Variants in GOLIM4 observed in about 807,000 individuals in gnomAD.
The protein encoded by GOLIM4 is 130 kDa golgi-localized phosphoprotein.
A neutral mutation model predicts 107.4 loss-of-function variants in GOLIM4; 71 were observed. The observed-to-expected ratio is 0.66, with a 90% CI of 0.55 to 0.81. The LOEUF (loss-of-function observed/expected upper bound fraction) is 0.81. Ranked by LOEUF, GOLIM4 falls within the 30% of genes least tolerant of loss-of-function variation. The probability of loss-of-function intolerance (pLI) is 0.00; values close to 1 mark genes in which losing one functional copy is unlikely to be tolerated. For missense variants in GOLIM4, 830 were observed against 826.1 expected (o/e 1.00, Z -0.06); for synonymous variants, 327 against 294.8 (o/e 1.11, Z -1.12).
At chr3:168,027,565 A>T (rs752653951) in intron 12 of GOLIM4, among the ~76,000 whole-genome samples, 163 bp downstream of exon 12, 2 of 151,858 alleles carry the variant, frequency 1.3e-5, no homozygotes, top group Non-Finnish European at 2.9e-5. Context: ...CATGGTTTAC[A>T]GTTAAAAACA....
intron 8 of GOLIM4, 36 bp from the exon 9 acceptor site, chr3:168,032,888 C>A: frequency 6.8e-7 from 1 of 1,463,772 alleles, no homozygotes; most frequent in Non-Finnish European, 9.4e-7. Flanking sequence ...GACACTCTTC[C>A]AATTTCAAAA....
At chr3:168,049,624 T>C (rs1369909135) in intron 1 of GOLIM4, among the ~76,000 whole-genome samples, 4 of 152,184 alleles carry the variant, frequency 2.6e-5, no homozygotes, top group South Asian at 2.1e-4. Flanking sequence ...CATCAATCAC[T>C]GGTTGACCAT....
In GOLIM4 at chr3:168,073,574, C is replaced by A. The variant is rs563900442; in HGVS notation, c.187+21525G>T. Among the ~76,000 whole-genome samples, 33 of 152,144 alleles carry A rather than the reference C, an allele frequency of 2.2e-4. 1 individual carries two copies. In the Middle Eastern group the frequency reaches 0.01, roughly 47 times the overall value. On this transcript the variant is annotated intron_variant, in intron 1 of 15. Transcript: ENST00000470487. ...TTTTTGTATTAAAGGTCCTTACAAT[C>A]GCATGGTGGAAGACAGACAAACAAG...
chr3:168,053,639 T>C (rs896153573), intron 1 of GOLIM4, among the ~76,000 whole-genome samples: 6 of 152,042 alleles, frequency 3.9e-5, no homozygotes, highest in Admixed American at 1.3e-4. Flanking sequence ...CTTTTGAGGG[T>C]TTCTTTGGGG....
At chr3:168,012,820 T>C (rs1246348931) in intron 14 of GOLIM4, among the ~76,000 whole-genome samples, 1 of 151,962 alleles carries the variant, frequency 6.6e-6, no homozygotes, top group Non-Finnish European at 1.5e-5. Flanking sequence ...AATAAAATCC[T>C]TTACAGACAA....
At chr3:168,067,375 T>C (rs1720603652) in intron 1 of GOLIM4, among the ~76,000 whole-genome samples, 2 of 151,980 alleles carry the variant, frequency 1.3e-5, no homozygotes, top group Non-Finnish European at 2.9e-5. Context: ...TAGCAGTATA[T>C]GTAGGCAAAC....
At position 168,053,712 on chromosome 3, in the gene GOLIM4, G is replaced by C. The variant is rs1303928323; in HGVS notation, c.188-5347C>G. Among the ~76,000 whole-genome samples, 4 of 152,302 alleles carry C rather than the reference G, an allele frequency of 2.6e-5. No individual in the cohort carries two copies. The South Asian group carries it at 8.3e-4, about 32-fold the overall frequency. On this transcript the variant is annotated intron_variant, in intron 1 of 15. Transcript: ENST00000470487. The stretch of plus-strand genomic sequence containing the variant: ...TTTTGGTTGTAATTCTAAATCACCA[G>C]AGGTGGGGTGGAAGCCAGCCACCTG...
intron 3 of GOLIM4, 113 bp downstream of exon 3, chr3:168,046,836 TA>T: frequency 1.9e-6 from 1 of 526,354 alleles, no homozygotes; most frequent in Non-Finnish European, 3.3e-6. Flanking sequence ...GTCAGTCCTA[TA>T]ATCCCAGGGA....
intron 1 of GOLIM4, among the ~76,000 whole-genome samples, chr3:168,092,156 G>A (rs1367876814): frequency 6.6e-6 from 1 of 152,158 alleles, no homozygotes; most frequent in African/African-American, 2.4e-5. Context: ...TCACTTGAAA[G>A]CAGTTTAAAA....
At chr3:168,075,142 T>A (rs1315526251) in intron 1 of GOLIM4, among the ~76,000 whole-genome samples, 4 of 151,704 alleles carry the variant, frequency 2.6e-5, no homozygotes, top group Admixed American at 2.0e-4. Flanking sequence ...AAAAAAAAAA[T>A]TAATAAAACA....
intron 15 of GOLIM4, 48 bp from the exon 16 acceptor site, chr3:168,010,466 G>A (rs73174972): frequency 0.06 from 74,241 of 1,241,648 alleles, 2,540 homozygotes; most frequent in Non-Finnish European, 0.069. Context: ...TATAGAGTTA[G>A]TGATAAATAA....
In GOLIM4 at chr3:168,029,935, C is replaced by T. The variant is rs1468643503; in HGVS notation, c.1278G>A (p.Gln426=). The part of the protein sequence containing the change: ...LAVQQVEEAQ[Q]LREHQEALHQ... ...GCAAAGCTTCCTGGTGTTCCCGCAG[C>T]TGCTGGGCCTCCTCCACCTGCTGCA... Residue 426 remains glutamine, a synonymous_variant, in exon 10 of 16, where the codon CAG becomes CAA. Coordinates refer to ENST00000470487, the MANE Select transcript of GOLIM4 (RefSeq NM_014498.5). The T allele has an allele frequency of 1.9e-6, 3 of 1,614,102 alleles. No individual in the cohort carries two copies. The highest frequency in any genetic ancestry group is 1.3e-5 in the African/African-American group (1 of 74,936).
intron 5 of GOLIM4, 87 bp downstream of exon 5, chr3:168,043,292 C>A: frequency 1.2e-6 from 1 of 869,174 alleles, no homozygotes; most frequent in Non-Finnish European, 1.8e-6. Flanking sequence ...AATCGATCAC[C>A]ACTCAAAACA....
intron 2 of GOLIM4, 24 bp downstream of exon 2, chr3:168,048,267 A>G (rs753590124): frequency 1.7e-6 from 2 of 1,206,146 alleles, no homozygotes; most frequent in Non-Finnish European, 2.4e-6. Context: ...AAAAACACAG[A>G]ACACAAATTA....
chr3:168,041,413 A>T lies in GOLIM4; in HGVS notation c.579T>A (p.His193Gln). 1 of 1,586,334 alleles carries T rather than the reference A, an allele frequency of 6.3e-7. No homozygotes were observed. The highest frequency in any genetic ancestry group is 8.7e-7 in the Non-Finnish European group (1 of 1,155,504). ...TTACCTTGACATCTTGAAGCTGTGT[A>T]TGTATGTCTTGGTGTGCTTTCCTTA... ...RQLRKAHQDI[H>Q]TQLQDVKQQH... is the part of the protein sequence containing the mutation. The change falls in exon 6 of 16, where the codon CAT becomes CAA. Residue 193 changes from histidine (H) to glutamine (Q), a missense_variant. Physicochemically the swap from His to Gln is conservative, Grantham distance 24. Transcript: ENST00000470487.
chr3:168,022,828 T>G (rs1307659592), intron 14 of GOLIM4, among the ~76,000 whole-genome samples: 1 of 152,226 alleles, frequency 6.6e-6, no homozygotes, highest in East Asian at 1.9e-4. Flanking sequence ...GGGAACCAGG[T>G]AAACCGAATT....
chr3:168,054,931 G>T (rs1343565694), intron 1 of GOLIM4, among the ~76,000 whole-genome samples: 1 of 152,098 alleles, frequency 6.6e-6, no homozygotes, highest in African/African-American at 2.4e-5. Context: ...TTAAAAAGGG[G>T]AGTTTCCCTG....
At chr3:168,044,907 A>T in intron 3 of GOLIM4, 26 bp from the exon 4 acceptor site, 1 of 1,383,568 alleles carries the variant, frequency 7.2e-7, no homozygotes, top group Non-Finnish European at 1.0e-6. Flanking sequence ...AAAAAAGAAA[A>T]CACAAAGATA....
At chr3:168,060,291 G>A (rs1300686497) in intron 1 of GOLIM4, among the ~76,000 whole-genome samples, 1 of 152,114 alleles carries the variant, frequency 6.6e-6, no homozygotes, top group African/African-American at 2.4e-5. Context: ...TAGTCAGACT[G>A]CATGGGTACA....
Sources: gnomAD v4.1 joint callset for allele counts (sites outside exome capture counted in the v4.1 genomes callset) on GRCh38, gnomAD v4.1.1 for gene constraint, MANE v1.5 for transcripts, NCBI Gene and HGNC (gene_info 2026-07-23, HGNC 2026-07-21) for gene names.